The following OGG1 variants were observed in gnomAD, a reference collection of about 807,000 sequenced individuals.
The protein encoded by OGG1 is N-glycosylase/DNA lyase.
OGG1 carries 35 observed loss-of-function variants against 42.3 expected under a neutral mutation model. The observed-to-expected ratio is 0.83, with a 90% confidence interval of 0.63 to 1.10. The LOEUF (loss-of-function observed/expected upper bound fraction) is 1.10. Ranked by LOEUF, OGG1 falls within the 50% of genes least tolerant of loss-of-function variation. The probability of loss-of-function intolerance (pLI) is 0.00; values close to 1 mark genes in which losing one functional copy is unlikely to be tolerated. For missense variants in OGG1, 484 were observed against 446.7 expected (o/e 1.08, Z -0.75); for synonymous variants, 189 against 179.0 (o/e 1.06, Z -0.44).
chr3:9,750,230 C>G lies in OGG1; in HGVS notation c.-57C>G. The stretch of plus-strand genomic sequence containing the variant: ...TTGTCTGGGCGGGGTCTTTGGGCGT[C>G]GACGAGGCCTGGTTCTGGGTAGGCG... On this transcript the variant is annotated 5_prime_UTR_variant, in exon 1 of 7. Coordinates refer to ENST00000344629, the MANE Select transcript of OGG1 (RefSeq NM_002542.6). 1 of 1,569,334 alleles carries G rather than the reference C, an allele frequency of 6.4e-7. No individual in the cohort carries two copies. The highest frequency in any genetic ancestry group is 8.6e-7 in the Non-Finnish European group (1 of 1,159,288).
intron 4 of OGG1, 112 bp downstream of exon 4, chr3:9,754,997 A>C (rs2077472504): frequency 2.4e-6 from 2 of 837,718 alleles, no homozygotes; most frequent in Admixed American, 2.0e-5. Flanking sequence ...GCAGAGCAGG[A>C]AGGAGAAAGG....
In OGG1 at chr3:9,773,054, C is replaced by A. The variant is rs1490407558; in HGVS notation, c.295-8459C>A. 4.6e-5 allele frequency among the ~76,000 whole-genome samples: 7 copies of A among 152,138 alleles called. 2 individuals are homozygous for A. Among genetic ancestry groups the A allele is most frequent in the Admixed American group, 3.9e-4 (6 of 15,278 alleles). ...GACCAGCCTGGCCAACGTGGTGAAA[C>A]CCTGTCTCTACTAAAAATACAAAAA... On this transcript the variant is annotated intron_variant, in intron 2 of 3. Transcript: ENST00000426518.
chr3:9,756,227 G>A (rs1173123569), intron 4 of OGG1, among the ~76,000 whole-genome samples: 1 of 152,190 alleles, frequency 6.6e-6, no homozygotes, highest in Non-Finnish European at 1.5e-5. Context: ...TGAGGTAGGA[G>A]AATTGCTTGA....
chr3:9,755,802 T>C (rs2077520910), intron 4 of OGG1, among the ~76,000 whole-genome samples: 1 of 152,158 alleles, frequency 6.6e-6, no homozygotes. Context: ...AAAATGAATT[T>C]TTGCTTAAAG....
At chr3:9,789,425 T>C, downstream of OGG1, 3 of 1,268,430 alleles carry the variant, frequency 2.4e-6, no homozygotes, top group African/African-American at 1.5e-5. Flanking sequence ...AGGAAGATGA[T>C]GCATGGCTTT....
intron 2 of OGG1, among the ~76,000 whole-genome samples, chr3:9,774,867 C>A (rs1289477499): frequency 2.0e-5 from 3 of 152,110 alleles, no homozygotes; most frequent in East Asian, 1.9e-4. Context: ...AATGTCGAGG[C>A]CTTTTGATTC....
rs974602808 is a variant in OGG1 at position 9,750,120 on chromosome 3, G to A, written c.-167G>A. 41 of 872,592 alleles carry A rather than the reference G, an allele frequency of 4.7e-5. No homozygotes were observed. In the Admixed American group the frequency reaches 1.1e-3, roughly 23 times the overall value. The allele number at this position is 872,592 out of a possible 1,614,324, so 54.1% of individuals were successfully genotyped here. ...GGCTTTGATGACCCGCAAAGGGCGA[G>A]GCATGCAGGAGGTGGAGGAATTAAG... On this transcript the variant is annotated 5_prime_UTR_variant, in exon 1 of 7. Transcript: ENST00000344629.
At chr3:9,751,721 A>G in intron 2 of OGG1, 49 bp from the exon 3 acceptor site, 1 of 1,574,758 alleles carries the variant, frequency 6.4e-7, no homozygotes, top group South Asian at 1.1e-5. Flanking sequence ...GGAAGAGGCC[A>G]CACCCAACAG....
At chr3:9,776,618 T>A (rs957722433) in intron 2 of OGG1, among the ~76,000 whole-genome samples, 1 of 152,094 alleles carries the variant, frequency 6.6e-6, no homozygotes, top group Admixed American at 6.5e-5. Flanking sequence ...CTCGATCTCC[T>A]GACCTCGTGA....
exon 8 of OGG1, chr3:9,765,857 A>C (rs772044654): frequency 6.2e-7 from 1 of 1,613,620 alleles, no homozygotes. Context: ...GCGTCCTCTT[A>C]TCTTCTGCCA....
At chr3:9,772,886 G>T (rs2078319012) in intron 2 of OGG1, among the ~76,000 whole-genome samples, 1 of 152,172 alleles carries the variant, frequency 6.6e-6, no homozygotes, top group South Asian at 2.1e-4. Flanking sequence ...AATTCTTCCA[G>T]ATTTTTTGGA....
chr3:9,773,986 G>T (rs1285934064), intron 2 of OGG1, among the ~76,000 whole-genome samples: 1 of 152,180 alleles, frequency 6.6e-6, no homozygotes, highest in East Asian at 1.9e-4. Flanking sequence ...GATTATAGGC[G>T]TGAGCCAGTA....
At chr3:9,759,881 C>G, downstream of OGG1, 1 of 1,488,688 alleles carries the variant, frequency 6.7e-7, no homozygotes, top group South Asian at 1.2e-5. Flanking sequence ...ATGCCCCACC[C>G]CACCCAACCT....
rs2077972987 is a variant in OGG1, at chr3:9,763,199, T to C, written c.1049-2610T>C. The C allele has an allele frequency of 1.2e-6, 2 of 1,613,624 alleles. No individual in the cohort carries two copies. The highest frequency in any genetic ancestry group is 1.7e-5 in the Admixed American group (1 of 59,976). ...ATAGATGTCATCCAGGGCTACAATG[T>C]TGGGGTGCTTGATCCTGAAAGGAGA... On this transcript the variant is annotated intron_variant, in intron 7 of 7. Coordinates refer to the OGG1 transcript ENST00000302008.
At chr3:9,756,202 A>C (rs2077546740) in intron 4 of OGG1, among the ~76,000 whole-genome samples, 1 of 152,202 alleles carries the variant, frequency 6.6e-6, no homozygotes, top group African/African-American at 2.4e-5. Context: ...CTGTAATCCC[A>C]GCTACTTGGG....
At chr3:9,765,018 G>A (rs2078084796) in intron 7 of OGG1, among the ~76,000 whole-genome samples, 1 of 151,860 alleles carries the variant, frequency 6.6e-6, no homozygotes, top group African/African-American at 2.4e-5. Context: ...CCTGAGGTCA[G>A]GAGTTCGAGA....
At chr3:9,757,756 C>T (rs766586927), downstream of OGG1, 1 of 1,614,164 alleles carries the variant, frequency 6.2e-7, no homozygotes, top group Non-Finnish European at 8.5e-7. The surrounding 1 kb of genome is among the most constrained non-coding windows in gnomAD (Gnocchi z 4.5). Flanking sequence ...AGCAGCTCCC[C>T]ATGGCTCGCC....
intron 2 of OGG1, among the ~76,000 whole-genome samples, chr3:9,771,912 G>A (rs941245516): frequency 3.4e-5 from 5 of 146,828 alleles, no homozygotes; most frequent in Non-Finnish European, 7.4e-5. Flanking sequence ...CGCCTCCTGG[G>A]TTCAAGCAAT....
At chr3:9,771,810 CTTTTTTTTTTTTT>C (rs5846644) in intron 2 of OGG1, among the ~76,000 whole-genome samples, 1 of 66,712 alleles carries the variant, frequency 1.5e-5, no homozygotes, top group East Asian at 5.4e-4. Flanking sequence ...TGTACAACTT[CTTTTTTTTTTTTT>C]TTTTTTTTTT....
Sources: allele counts gnomAD v4.1 joint callset (sites outside exome capture counted in the v4.1 genomes callset), GRCh38; gene constraint gnomAD v4.1.1; non-coding constraint Gnocchi (gnomAD v3.1); transcripts MANE v1.5; gene names NCBI Gene and HGNC (gene_info 2026-07-23, HGNC 2026-07-21).